The following PSTK variants were observed in gnomAD, a reference collection of about 807,000 sequenced individuals.
PSTK encodes phosphoseryl-tRNA kinase.
Under a neutral mutation model 38.6 loss-of-function variants are expected in PSTK, and 26 were observed. That is an observed-to-expected ratio of 0.67 (90% CI 0.49 to 0.94). The LOEUF (loss-of-function observed/expected upper bound fraction) is 0.94, where lower values mean the gene tolerates loss of function less well. Among genes scored for constraint, PSTK ranks in the 40% least tolerant of loss-of-function variants. The pLI, the probability that PSTK is intolerant of heterozygous loss-of-function variation, is 0.00. For missense variants in PSTK, 445 were observed against 436.3 expected (o/e 1.02, Z -0.18); for synonymous variants, 181 against 161.7 (o/e 1.12, Z -0.91).
chr10:122,984,432 A>G (rs1849008628), intron 3 of PSTK: 1 of 152,218 alleles, frequency 6.6e-6, no homozygotes. Context: ...CCCCCGGCTA[A>G]TATTTTCTTA....
chr10:122,986,399 T>C (rs1483662849), intron 4 of PSTK, 24 bp downstream of exon 4: 4 of 1,517,028 alleles, frequency 2.6e-6, no homozygotes, highest in South Asian at 2.2e-5. Flanking sequence ...GTAAATTTAA[T>C]GTAAATGAGA....
chr10:122,989,349 T>C (rs886519461), intron 5 of PSTK, among the ~76,000 whole-genome samples: 1 of 152,118 alleles, frequency 6.6e-6, no homozygotes, highest in Non-Finnish European at 1.5e-5. Flanking sequence ...CCTCCCGGGT[T>C]CAAGTGATTC....
intron 3 of PSTK, chr10:122,985,394 A>AT (rs1177511306): frequency 3.9e-5 from 6 of 152,110 alleles, no homozygotes; most frequent in Non-Finnish European, 8.8e-5. Context: ...ATCTGAAATT[A>AT]TTTTTTGCTT....
chr10:122,989,591 T>C (rs1376241184), intron 5 of PSTK, among the ~76,000 whole-genome samples: 1 of 152,166 alleles, frequency 6.6e-6, no homozygotes, highest in African/African-American at 2.4e-5. Flanking sequence ...TAACTGGTGA[T>C]GGTTGCACAT....
At chr10:122,989,419 T>C (rs10902854) in intron 5 of PSTK, among the ~76,000 whole-genome samples, 45,462 of 151,850 alleles carry the variant, frequency 0.3, 8,129 homozygotes, top group Non-Finnish European at 0.4. Flanking sequence ...GCCCCGCTAA[T>C]TTTTGTATTT....
In PSTK at chr10:122,980,416, G is replaced by C. The variant is rs1848937200; in HGVS notation, c.-64G>C. 1 of 1,427,342 alleles carries C rather than the reference G, an allele frequency of 7.0e-7. No individual in the cohort carries two copies. The highest frequency in any genetic ancestry group is 1.4e-5 in the South Asian group (1 of 72,766). The allele number at this position is 1,427,342 out of a possible 1,614,324, so 88.4% of individuals were successfully genotyped here. The stretch of plus-strand genomic sequence containing the variant: ...GGTAGGCGGCGGAGACGCTGCGCGT[G>C]CGCGCAGGGCAGACGGTAGAGCGGA... On this transcript the variant is annotated 5_prime_UTR_variant, in exon 1 of 6. Transcript: ENST00000406217. The surrounding 1 kb of genome is among the most constrained non-coding windows in gnomAD (Gnocchi z 4.3).
rs1188893494 is a variant in PSTK, at chr10:122,983,469, A to G, written c.706A>G (p.Ser236Gly). The change falls in exon 3 of 6, where the codon AGC becomes GGC. Residue 236 changes from serine (S) to glycine (G), a missense_variant and splice_region_variant. Coordinates refer to ENST00000406217, the MANE Select transcript of PSTK (RefSeq NM_001363531.2). ...IPSPACASEA[S>G]LEVTDLLLTA... Reference sequence around the variant, plus strand: ...GAGTCCAGCATGTGCTTCGGAGGCCAGGTATTCCACTCAATCATCCCTCCC... The same window carrying G: ...GAGTCCAGCATGTGCTTCGGAGGCCGGGTATTCCACTCAATCATCCCTCCC... 22 of 1,612,228 alleles carry G rather than the reference A, an allele frequency of 1.4e-5. No individual in the cohort carries two copies. Among genetic ancestry groups the G allele is most frequent in the African/African-American group, 2.7e-5 (2 of 74,892 alleles).
chr10:122,989,438 G>A (rs1211036797), intron 5 of PSTK, among the ~76,000 whole-genome samples: 1 of 152,096 alleles, frequency 6.6e-6, no homozygotes, highest in South Asian at 2.1e-4. Context: ...TTTTAGTAGA[G>A]GAGGGGTTTC....
chr10:122,990,049 AACTC>A (rs1849108823), intron 5 of PSTK, 121 bp from the exon 6 acceptor site: 16 of 623,544 alleles, frequency 2.6e-5, no homozygotes, highest in Middle Eastern at 3.8e-4. Context: ...ATATTACACT[AACTC>A]AATTGTGATT....
rs1848980457 is a variant in PSTK at position 122,982,775 on chromosome 10, C to G, written c.259C>G (p.Leu87Val). 7 of 1,614,060 alleles carry G rather than the reference C, an allele frequency of 4.3e-6. No individual in the cohort carries two copies. The highest frequency in any genetic ancestry group is 3.3e-5 in the Admixed American group (2 of 60,008). Reference sequence around the variant, plus strand: ...GCTTCGACAGGAACTGTTGAAGTACCTGGAATACTTCTTGATGGCTGTCAT... The same window carrying G: ...GCTTCGACAGGAACTGTTGAAGTACGTGGAATACTTCTTGATGGCTGTCAT... The part of the protein sequence containing the change: ...KLLRQELLKY[L>V]EYFLMAVING... The change falls in exon 2 of 6, where the codon CTG becomes GTG. Residue 87 changes from leucine to valine, a missense_variant. Transcript: ENST00000406217.
At chr10:122,986,266 G>A (rs1308382288) in intron 3 of PSTK, 34 bp from the exon 4 acceptor site, 2 of 1,279,868 alleles carry the variant, frequency 1.6e-6, no homozygotes, top group Non-Finnish European at 1.1e-6. Context: ...TTGGATATAA[G>A]GATCTATTGT....
At chr10:122,989,241 G>A (rs796230603) in intron 5 of PSTK, among the ~76,000 whole-genome samples, 12 of 151,870 alleles carry the variant, frequency 7.9e-5, no homozygotes, top group African/African-American at 2.7e-4. Context: ...ATAGCTAAAG[G>A]ATATGGGTTT....
chr10:122,980,562 C>G lies in PSTK; in HGVS notation c.83C>G (p.Ala28Gly), dbSNP rs780454977. Residue 28 changes from alanine (A) to glycine (G), a missense_variant, in exon 1 of 6, where the codon GCG (alanine) becomes GGG (glycine). By Grantham distance (60) the Ala-to-Gly change is moderately conservative. Coordinates refer to ENST00000406217, the MANE Select transcript of PSTK (RefSeq NM_001363531.2). This position sits in a 1 kb window ranked among gnomAD's most constrained non-coding sequence, Gnocchi z 4.3. The part of the protein sequence containing the change: ...RGLCVLCGLP[A>G]AGKSTFARAL... ...CTCTGCGTCCTCTGTGGCCTCCCCG[C>G]GGCAGGAAAATCGACTTTCGCGCGC... 1 of 1,612,004 alleles carries G rather than the reference C, an allele frequency of 6.2e-7. No individual in the cohort carries two copies. The highest frequency in any genetic ancestry group is 1.1e-5 in the South Asian group (1 of 90,942).
chr10:122,986,406 G>A, intron 4 of PSTK, 31 bp downstream of exon 4: 1 of 1,436,044 alleles, frequency 7.0e-7, no homozygotes, highest in Non-Finnish European at 9.8e-7. Context: ...TAATGTAAAT[G>A]AGAAGGAACA....
At chr10:122,984,429 C>T (rs1460990631) in intron 3 of PSTK, 7 of 152,322 alleles carry the variant, frequency 4.6e-5, no homozygotes, top group African/African-American at 1.7e-4. Flanking sequence ...TCACCCCCGG[C>T]TAATATTTTC....
chr10:122,982,536 C>T (rs963613997), intron 1 of PSTK, 197 bp from the exon 2 acceptor site: 2 of 582,010 alleles, frequency 3.4e-6, no homozygotes, highest in South Asian at 2.2e-5. Flanking sequence ...GAAAGCTTTA[C>T]ACAGCACTAG....
chr10:122,990,215 GA>G lies in PSTK; in HGVS notation c.921del (p.Glu307AspfsTer13). ...LPHNLKLLAE[E>X]LNKLKAEFLE... ...TCACAACTTGAAGCTTCTAGCAGAA[GA>G]ACTTAACAAGCTCAAAGCAGAGTTT... On this transcript the variant is annotated frameshift_variant, in exon 6 of 6. Coordinates refer to ENST00000406217, the MANE Select transcript of PSTK (RefSeq NM_001363531.2). LOFTEE classifies it high-confidence loss of function. The G allele has an allele frequency of 6.5e-7, 1 of 1,529,104 alleles. No homozygotes were observed. Among genetic ancestry groups the G allele is most frequent in the Non-Finnish European group, 8.8e-7 (1 of 1,141,276 alleles). The allele number at this position is 1,529,104 out of a possible 1,614,324, so 94.7% of individuals were successfully genotyped here.
intron 5 of PSTK, chr10:122,987,463 A>G (rs1172205017): frequency 6.2e-7 from 1 of 1,614,168 alleles, no homozygotes; most frequent in Admixed American, 1.7e-5. Flanking sequence ...GGCTGGTTGC[A>G]GTGTTGCAGA....
At chr10:122,986,474 C>T (rs191119567) in intron 4 of PSTK, 99 bp downstream of exon 4, 20 of 865,882 alleles carry the variant, frequency 2.3e-5, no homozygotes, top group Middle Eastern at 2.2e-4. Flanking sequence ...ACGGGAGATG[C>T]GTTGTCATTG....
Sources: allele counts gnomAD v4.1 joint callset (sites outside exome capture counted in the v4.1 genomes callset), GRCh38; gene constraint gnomAD v4.1.1; non-coding constraint Gnocchi (gnomAD v3.1); transcripts MANE v1.5; gene names NCBI Gene and HGNC (gene_info 2026-07-23, HGNC 2026-07-21).